Variants in DIPK1C observed in about 807,000 individuals in gnomAD.
The protein encoded by DIPK1C is divergent protein kinase domain 1C.
DIPK1C carries 33 observed loss-of-function variants against 28.0 expected under a neutral mutation model. The ratio of observed to expected loss-of-function variants is 1.18; its 90% confidence interval spans 0.89 to 1.58. The LOEUF is 1.58. Ranked by LOEUF, DIPK1C falls within the 40% of genes most tolerant of loss-of-function variation. DIPK1C has a pLI of 0.00. For missense variants in DIPK1C, 569 were observed against 568.5 expected (o/e 1.00, Z -0.01); for synonymous variants, 255 against 248.8 (o/e 1.02, Z -0.23).
At chr18:74,442,408 A>G (rs1018727657) in intron 2 of DIPK1C, among the ~76,000 whole-genome samples, 2 of 151,986 alleles carry the variant, frequency 1.3e-5, no homozygotes, top group African/African-American at 4.8e-5. Context: ...GGCTCACTGC[A>G]AGCTCCGCCT....
chr18:74,460,266 A>G (rs1986596844), upstream of DIPK1C, among the ~76,000 whole-genome samples: 2 of 152,232 alleles, frequency 1.3e-5, no homozygotes, highest in Admixed American at 6.5e-5. Flanking sequence ...TTACAATGGA[A>G]AGAGCCTTGA....
chr18:74,441,081 A>T (rs1484265614), intron 3 of DIPK1C, among the ~76,000 whole-genome samples: 1 of 152,148 alleles, frequency 6.6e-6, no homozygotes, highest in Non-Finnish European at 1.5e-5. Flanking sequence ...ATGCAGCACC[A>T]TGCTGGGCTC....
At chr18:74,444,980 C>T (rs1044365650) in intron 2 of DIPK1C, among the ~76,000 whole-genome samples, 2 of 152,228 alleles carry the variant, frequency 1.3e-5, no homozygotes, top group African/African-American at 2.4e-5. Flanking sequence ...ATGTCGCCCA[C>T]TCGGCATCAC....
chr18:74,436,025 C>G lies in DIPK1C; in HGVS notation c.*476G>C, dbSNP rs567037980. 195 of 192,174 alleles carry G rather than the reference C, an allele frequency of 1.0e-3. No individual in the cohort carries two copies. The highest frequency in any genetic ancestry group is 2.2e-3 in the Middle Eastern group (1 of 464). 11.9% of individuals were successfully genotyped at this position (192,174 alleles called of 1,614,324 possible). The stretch of plus-strand genomic sequence containing the variant: ...ACCACACTCACCTGTGCACACTCAC[C>G]TGTGCACACTCACACACATGCAGAC... On this transcript the variant is annotated 3_prime_UTR_variant, in exon 4 of 4. Coordinates refer to ENST00000343998, the MANE Select transcript of DIPK1C (RefSeq NM_001044369.3).
intron 1 of DIPK1C, among the ~76,000 whole-genome samples, chr18:74,455,969 A>C (rs1394807066): frequency 6.6e-6 from 1 of 152,208 alleles, no homozygotes; most frequent in Non-Finnish European, 1.5e-5. Context: ...TTTACTTTAA[A>C]AACTTTGTGG....
rs1405031667 is a variant in DIPK1C, at chr18:74,447,982, G to A, written c.199-699C>T. Among the ~76,000 whole-genome samples, 1 of 152,094 alleles carries A rather than the reference G, an allele frequency of 6.6e-6. No individual in the cohort carries two copies. The highest frequency in any genetic ancestry group is 1.5e-5 in the Non-Finnish European group (1 of 68,006). On this transcript the variant is annotated intron_variant, in intron 1 of 3. Transcript: ENST00000343998. The surrounding 1 kb of genome is among the most constrained non-coding windows in gnomAD (Gnocchi z 4.1). ...GAGTAGGGAGTGTTTGCATCTGAGC[G>A]GCGGTGAGCAAGGCTGTCCAGGAGC...
chr18:74,439,885 G>T (rs1396138537), intron 3 of DIPK1C, among the ~76,000 whole-genome samples: 1 of 150,814 alleles, frequency 6.6e-6, no homozygotes, highest in African/African-American at 2.4e-5. Flanking sequence ...AAAGAAAATT[G>T]TAATCCTACC....
chr18:74,438,183 C>T (rs969358570), intron 3 of DIPK1C, among the ~76,000 whole-genome samples: 8 of 152,192 alleles, frequency 5.3e-5, no homozygotes, highest in East Asian at 1.9e-4. Context: ...TGAGCCACCA[C>T]GCCCAGCCAT....
chr18:74,440,887 C>A (rs1221330992), intron 3 of DIPK1C, among the ~76,000 whole-genome samples: 1 of 152,324 alleles, frequency 6.6e-6, no homozygotes, highest in South Asian at 2.1e-4. Context: ...GGGATGGAGA[C>A]GCCTCTGAAA....
intron 3 of DIPK1C, among the ~76,000 whole-genome samples, chr18:74,440,045 C>T (rs962359937): frequency 4.0e-5 from 6 of 151,270 alleles, no homozygotes; most frequent in African/African-American, 9.7e-5. Flanking sequence ...CCCGGGTTCA[C>T]GCCATTCTCC....
At chr18:74,441,924 C>T in intron 3 of DIPK1C, 28 bp downstream of exon 3, 2 of 1,603,490 alleles carry the variant, frequency 1.2e-6, no homozygotes, top group Non-Finnish European at 1.7e-6. Context: ...GCACCCTCTC[C>T]TCCCCCAGCC....
Position 74,436,410 on chromosome 18 carries a change from C to T in DIPK1C, c.*91G>A, listed in dbSNP as rs1440322620. ...GACCAGAACGGCACCCCAGAGAGCA[C>T]AGGGGAAATGGCTCATCTTTAAAAC... On this transcript the variant is annotated 3_prime_UTR_variant, in exon 4 of 4. Transcript: ENST00000343998. 6 of 1,288,092 alleles carry T rather than the reference C, an allele frequency of 4.7e-6. No individual in the cohort carries two copies. Among genetic ancestry groups the T allele is most frequent in the Admixed American group, 4.8e-5 (2 of 41,812 alleles). The allele number at this position is 1,288,092 out of a possible 1,614,324, so 79.8% of individuals were successfully genotyped here.
chr18:74,444,342 G>C (rs903396131), intron 2 of DIPK1C, among the ~76,000 whole-genome samples: 1 of 152,202 alleles, frequency 6.6e-6, no homozygotes, highest in African/African-American at 2.4e-5. Context: ...GTGGGCACCT[G>C]CCCTGCAGAT....
intron 1 of DIPK1C, among the ~76,000 whole-genome samples, chr18:74,451,177 G>A (rs183115086): frequency 3.9e-5 from 6 of 152,330 alleles, no homozygotes; most frequent in African/African-American, 1.4e-4. Context: ...AGAAGAACTT[G>A]TGCAAAGGCC....
rs1360927799 is a variant in DIPK1C, at chr18:74,434,920, T to A, written c.*1581A>T. The A allele has an allele frequency of 7.2e-5, 11 of 152,224 alleles. No individual in the cohort carries two copies. Among genetic ancestry groups the A allele is most frequent in the Admixed American group, 2.0e-4 (3 of 15,286 alleles). 9.4% of individuals were successfully genotyped at this position (152,224 alleles called of 1,614,324 possible). On this transcript the variant is annotated 3_prime_UTR_variant, in exon 4 of 4. Transcript: ENST00000343998. ...ATGGAACTCTGTGTCATTTGGAAGATCCCCAGTGGTGATGGGTAAGAATAA... is the reference window on the plus strand; with the variant it reads ...ATGGAACTCTGTGTCATTTGGAAGAACCCCAGTGGTGATGGGTAAGAATAA...
chr18:74,436,477 A>C lies in DIPK1C; in HGVS notation c.*24T>G. On this transcript the variant is annotated 3_prime_UTR_variant, in exon 4 of 4. Coordinates refer to ENST00000343998, the MANE Select transcript of DIPK1C (RefSeq NM_001044369.3). The stretch of plus-strand genomic sequence containing the variant: ...CAGCCAAGGTCACTTTTCCTGTGTG[A>C]GCATGTTTAAGGCCAGAGAGTGGCT... 1 of 1,560,096 alleles carries C rather than the reference A, an allele frequency of 6.4e-7. No individual in the cohort carries two copies. The highest frequency in any genetic ancestry group is 8.7e-7 in the Non-Finnish European group (1 of 1,152,066).
At chr18:74,461,177 TC>T, upstream of DIPK1C, among the ~76,000 whole-genome samples, 1 of 152,218 alleles carries the variant, frequency 6.6e-6, no homozygotes. Flanking sequence ...TGACTTTTCA[TC>T]TCCTCATCTT....
At chr18:74,460,260 A>G (rs1485343497), upstream of DIPK1C, among the ~76,000 whole-genome samples, 6 of 152,232 alleles carry the variant, frequency 3.9e-5, no homozygotes, top group East Asian at 9.6e-4. Context: ...TGTCATTTAC[A>G]ATGGAAAGAG....
intron 2 of DIPK1C, 82 bp from the exon 3 acceptor site, chr18:74,442,198 C>A (rs1352490732): frequency 1.3e-6 from 2 of 1,519,786 alleles, no homozygotes; most frequent in East Asian, 4.7e-5. Flanking sequence ...CTTCTGTTCA[C>A]CTCGTGCGGG....
Sources: gnomAD v4.1 joint callset for allele counts (sites outside exome capture counted in the v4.1 genomes callset) on GRCh38, gnomAD v4.1.1 for gene constraint, Gnocchi (gnomAD v3.1) non-coding constraint, MANE v1.5 for transcripts, NCBI Gene and HGNC (gene_info 2026-07-23, HGNC 2026-07-21) for gene names.